RORA: variants seen among roughly 807,000 people sequenced by gnomAD.
RORA encodes the protein nuclear receptor ROR-alpha.
RORA carries 7 observed loss-of-function variants against 69.5 expected under a neutral mutation model. The ratio of observed to expected loss-of-function variants is 0.10; its 90% CI spans 0.06 to 0.19. RORA has a LOEUF of 0.19. RORA is among the 10% of genes least tolerant of loss of function. RORA has a pLI of 1.00. For synonymous variants in RORA, 261 were observed against 240.8 expected (o/e 1.08, Z -0.78); for missense variants, 457 against 663.0 (o/e 0.69, Z 3.41).
intron 2 of RORA, among the ~76,000 whole-genome samples, chr15:60,544,241 C>G (rs1324790569): frequency 2.6e-5 from 4 of 152,196 alleles, no homozygotes; most frequent in African/African-American, 9.7e-5. Context: ...GAAGAGTGAG[C>G]TGAACTCTCA....
At chr15:60,778,465 G>A (rs910473082) in intron 1 of RORA, among the ~76,000 whole-genome samples, 1 of 152,066 alleles carries the variant, frequency 6.6e-6, no homozygotes, top group South Asian at 2.1e-4. Context: ...CAGTTACCTC[G>A]GTGCAGACAA....
chr15:60,568,963 A>C (rs5813033), intron 2 of RORA, among the ~76,000 whole-genome samples: 16 of 143,336 alleles, frequency 1.1e-4, no homozygotes, highest in Admixed American at 2.1e-4. Flanking sequence ...AAAAAAAAAA[A>C]CTCAATATTA....
chr15:61,093,897 T>C (rs2078749312), intron 1 of RORA, among the ~76,000 whole-genome samples: 2 of 152,226 alleles, frequency 1.3e-5, no homozygotes, highest in South Asian at 4.1e-4. Flanking sequence ...GGAAACAATG[T>C]CTGCCATGTC....
chr15:60,859,165 G>C (rs1036304149), intron 1 of RORA, among the ~76,000 whole-genome samples: 5 of 151,988 alleles, frequency 3.3e-5, no homozygotes, highest in African/African-American at 9.7e-5. Flanking sequence ...CCAGTTCAGG[G>C]CTCCCACAGG....
chr15:61,105,988 C>G (rs1442340504), intron 1 of RORA, among the ~76,000 whole-genome samples: 1 of 152,196 alleles, frequency 6.6e-6, no homozygotes, highest in African/African-American at 2.4e-5. Context: ...TCTTCATAAG[C>G]TGGCAAGGAG....
chr15:60,637,365 T>G (rs1360964055), intron 2 of RORA, among the ~76,000 whole-genome samples: 1 of 151,782 alleles, frequency 6.6e-6, no homozygotes, highest in Non-Finnish European at 1.5e-5. Flanking sequence ...AAATACATCT[T>G]CTTATCAGTT....
At chr15:60,819,997 C>T (rs1252458491) in intron 1 of RORA, among the ~76,000 whole-genome samples, 1 of 152,250 alleles carries the variant, frequency 6.6e-6, no homozygotes, top group Non-Finnish European at 1.5e-5. Context: ...AAGGAGCTGT[C>T]TCTCACACAA....
chr15:60,724,079 C>G (rs903500018), intron 1 of RORA, among the ~76,000 whole-genome samples: 2 of 152,118 alleles, frequency 1.3e-5, no homozygotes, highest in Non-Finnish European at 2.9e-5. Flanking sequence ...TGATTCCTAC[C>G]TTTGTTTTCT....
At chr15:60,999,932 C>A (rs949335061) in intron 1 of RORA, among the ~76,000 whole-genome samples, 1 of 152,092 alleles carries the variant, frequency 6.6e-6, no homozygotes. Flanking sequence ...GAATTACAGA[C>A]AAGAAATTAA....
chr15:61,066,654 C>T (rs1430429995), intron 1 of RORA, among the ~76,000 whole-genome samples: 1 of 151,676 alleles, frequency 6.6e-6, no homozygotes, highest in Non-Finnish European at 1.5e-5. Context: ...TCTCGAACTC[C>T]TGACCTCAGG....
intron 1 of RORA, among the ~76,000 whole-genome samples, chr15:60,892,459 TATA>T (rs1420162765): frequency 1.3e-5 from 2 of 152,190 alleles, no homozygotes; most frequent in Admixed American, 6.5e-5. Flanking sequence ...ACCCGTGCCT[TATA>T]ATGTTTTCTC....
chr15:60,809,637 C>G (rs2072713133), intron 1 of RORA, among the ~76,000 whole-genome samples: 1 of 151,992 alleles, frequency 6.6e-6, no homozygotes, highest in Non-Finnish European at 1.5e-5. Flanking sequence ...CACACATGCA[C>G]ATTTCCTGTT....
chr15:60,867,891 CTCTT>C, intron 1 of RORA, among the ~76,000 whole-genome samples: 1 of 152,208 alleles, frequency 6.6e-6, no homozygotes, highest in East Asian at 1.9e-4. Flanking sequence ...AATTGATGCA[CTCTT>C]TCTTGTTCTA....
chr15:61,204,491 C>T (rs749735535), intron 1 of RORA, among the ~76,000 whole-genome samples: 4 of 152,086 alleles, frequency 2.6e-5, no homozygotes, highest in South Asian at 2.1e-4. Context: ...GCTACAAAGG[C>T]GAGCACGTAT....
At chr15:60,794,430 A>G (rs572273282) in intron 1 of RORA, among the ~76,000 whole-genome samples, 2 of 152,270 alleles carry the variant, frequency 1.3e-5, no homozygotes, top group Admixed American at 1.3e-4. Flanking sequence ...TGGCTTTTAG[A>G]TAGATTTGAA....
At chr15:60,634,447 C>T (rs927657311) in intron 2 of RORA, among the ~76,000 whole-genome samples, 5 of 151,242 alleles carry the variant, frequency 3.3e-5, no homozygotes, top group Non-Finnish European at 7.4e-5. Flanking sequence ...GCTCTGTTGC[C>T]AGGCTGGAGC....
chr15:60,924,500 C>G (rs111395193), intron 1 of RORA, among the ~76,000 whole-genome samples: 6 of 151,564 alleles, frequency 4.0e-5, no homozygotes, highest in Non-Finnish European at 8.8e-5. Context: ...ATATTTCTTA[C>G]GTGCCTGTAA....
At chr15:60,734,953 A>G (rs2071478912) in intron 1 of RORA, among the ~76,000 whole-genome samples, 1 of 152,230 alleles carries the variant, frequency 6.6e-6, no homozygotes, top group Non-Finnish European at 1.5e-5. Flanking sequence ...TGACTTGCAG[A>G]CAACCATGGG....
At chr15:60,712,105 T>G (rs1480707312) in intron 1 of RORA, among the ~76,000 whole-genome samples, 1 of 152,226 alleles carries the variant, frequency 6.6e-6, no homozygotes, top group Non-Finnish European at 1.5e-5. Flanking sequence ...TGGCTGATAC[T>G]TTCAAATGGG....
Sources: allele counts gnomAD v4.1 joint callset (sites outside exome capture counted in the v4.1 genomes callset), GRCh38; gene constraint gnomAD v4.1.1; transcripts MANE v1.5; gene names NCBI Gene and HGNC (gene_info 2026-07-23, HGNC 2026-07-21).